Variants in DCDC1 observed in about 807,000 individuals in gnomAD.
DCDC1 encodes the protein doublecortin domain containing 1, also known as doublecortin domain-containing protein 1.
A neutral mutation model predicts 178.3 loss-of-function variants in DCDC1; 200 were observed. The observed-to-expected ratio is 1.12, with a 90% confidence interval of 1.00 to 1.26. The LOEUF is 1.26. Ranked by LOEUF, DCDC1 falls within the 50% of genes most tolerant of loss-of-function variation. The pLI, the probability that DCDC1 is intolerant of heterozygous loss-of-function variation, is 0.00. For missense variants in DCDC1, 1,983 were observed against 1,749.2 expected (o/e 1.13, Z -2.38); for synonymous variants, 690 against 604.8 (o/e 1.14, Z -2.07).
At chr11:31,091,554 A>G (rs1328224777) in intron 16 of DCDC1, 43 bp from the exon 17 acceptor site, 1 of 701,578 alleles carries the variant, frequency 1.4e-6, no homozygotes, top group South Asian at 1.5e-5. Context: ...AAATAAGTTA[A>G]AAGAACCAGA....
At chr11:31,168,981 C>T (rs116842530) in intron 9 of DCDC1, among the ~76,000 whole-genome samples, 255 of 152,202 alleles carry the variant, frequency 1.7e-3, no homozygotes, top group Non-Finnish European at 2.4e-3. Context: ...ATGGAACCAA[C>T]CTAAATTCCC....
chr11:30,864,734 C>T lies in DCDC1; in HGVS notation c.*639G>A, dbSNP rs1014931662. The stretch of plus-strand genomic sequence containing the variant: ...CATTTAGTTGGGGAGACAAAACATG[C>T]AGTCAGTGTATATGCTTTTTTTTTT... On this transcript the variant is annotated 3_prime_UTR_variant, in exon 39 of 39. Coordinates refer to ENST00000684477, the MANE Select transcript of DCDC1 (RefSeq NM_001387274.1). The T allele has an allele frequency of 4.2e-5, 6 of 143,530 alleles. No homozygotes were observed. Among genetic ancestry groups the T allele is most frequent in the African/African-American group, 1.5e-4 (6 of 40,030 alleles). The allele number at this position is 143,530 out of a possible 1,614,324, so 8.9% of individuals were successfully genotyped here. A position where few individuals can be genotyped will look rare whatever the true frequency, so the allele number is the denominator to read the frequency against.
intron 11 of DCDC1, among the ~76,000 whole-genome samples, chr11:31,125,762 C>A (rs1181810184): frequency 6.6e-6 from 1 of 152,004 alleles, no homozygotes; most frequent in Non-Finnish European, 1.5e-5. Flanking sequence ...TCAACACACA[C>A]TGGGGCCCAT....
chr11:31,192,335 A>T (rs1970223332), intron 9 of DCDC1, among the ~76,000 whole-genome samples: 1 of 152,112 alleles, frequency 6.6e-6, no homozygotes, highest in East Asian at 1.9e-4. Flanking sequence ...CCTTCGCATG[A>T]TACCAAGGAC....
At chr11:31,284,054 A>G (rs2137313936) in intron 7 of DCDC1, among the ~76,000 whole-genome samples, 1 of 151,946 alleles carries the variant, frequency 6.6e-6, no homozygotes. Context: ...ACTCACTTCA[A>G]CTTTTCCCCT....
At chr11:31,197,859 C>A (rs540817139) in intron 9 of DCDC1, among the ~76,000 whole-genome samples, 1 of 152,046 alleles carries the variant, frequency 6.6e-6, no homozygotes, top group African/African-American at 2.4e-5. Context: ...CAATAATGGC[C>A]CCAGCACTTA....
At chr11:30,986,522 G>A (rs868406126) in intron 20 of DCDC1, among the ~76,000 whole-genome samples, 6 of 151,842 alleles carry the variant, frequency 4.0e-5, no homozygotes, top group South Asian at 4.2e-4. Context: ...TAGTAGAGAC[G>A]GGGTTTCACC....
chr11:30,896,776 T>C (rs1034217913), intron 34 of DCDC1, among the ~76,000 whole-genome samples: 8 of 152,244 alleles, frequency 5.3e-5, no homozygotes, highest in Non-Finnish European at 1.2e-4. Context: ...AACCATGTAG[T>C]AAAGATTTGA....
At chr11:31,019,641 T>C (rs1356560900) in intron 20 of DCDC1, among the ~76,000 whole-genome samples, 1 of 152,166 alleles carries the variant, frequency 6.6e-6, no homozygotes, top group Non-Finnish European at 1.5e-5. Context: ...TTTTAAAAAT[T>C]AAAATTAGAT....
chr11:30,963,232 A>G (rs1415253215), intron 20 of DCDC1, among the ~76,000 whole-genome samples: 1 of 152,154 alleles, frequency 6.6e-6, no homozygotes, highest in Non-Finnish European at 1.5e-5. Context: ...ATCTTTTGAT[A>G]TTATATAACT....
At chr11:31,094,214 A>C (rs1375499200) in intron 15 of DCDC1, 30 bp from the exon 16 acceptor site, 2 of 765,038 alleles carry the variant, frequency 2.6e-6, no homozygotes, top group Non-Finnish European at 4.8e-6. Context: ...ATGCATTTTT[A>C]ACTCATAGTC....
chr11:30,971,499 G>A (rs1270582196), intron 20 of DCDC1, among the ~76,000 whole-genome samples: 1 of 150,280 alleles, frequency 6.7e-6, no homozygotes, highest in African/African-American at 2.4e-5. Flanking sequence ...ACAAATCCTA[G>A]GAATGAAATA....
intron 18 of DCDC1, among the ~76,000 whole-genome samples, chr11:31,066,366 A>G (rs1366524348): frequency 6.6e-6 from 1 of 152,184 alleles, no homozygotes; most frequent in East Asian, 1.9e-4. Flanking sequence ...AGGGAAGTTA[A>G]GCAACATGCT....
intron 22 of DCDC1, among the ~76,000 whole-genome samples, chr11:30,931,093 G>A (rs1233557185): frequency 6.6e-6 from 1 of 151,998 alleles, no homozygotes; most frequent in Non-Finnish European, 1.5e-5. Context: ...CTAATAATAT[G>A]AGAAACAATG....
chr11:31,071,493 G>A (rs536604300), intron 18 of DCDC1, among the ~76,000 whole-genome samples: 1 of 152,200 alleles, frequency 6.6e-6, no homozygotes, highest in South Asian at 2.1e-4. Context: ...CACTCTCTTT[G>A]ATGGTCCCCA....
intron 20 of DCDC1, among the ~76,000 whole-genome samples, chr11:30,967,301 C>T (rs1949490428): frequency 6.7e-6 from 1 of 149,816 alleles, no homozygotes; most frequent in South Asian, 2.1e-4. Context: ...TGTAGTTCTC[C>T]TTGAAGAGGT....
At chr11:31,322,434 C>T (rs565855633) in intron 3 of DCDC1, among the ~76,000 whole-genome samples, 97 of 152,296 alleles carry the variant, frequency 6.4e-4, no homozygotes, top group African/African-American at 2.3e-3. Context: ...ATCCTACGAT[C>T]AGCTCCAGTG....
chr11:31,219,097 A>G (rs1400609373), intron 9 of DCDC1, among the ~76,000 whole-genome samples: 2 of 152,134 alleles, frequency 1.3e-5, no homozygotes, highest in Non-Finnish European at 2.9e-5. Flanking sequence ...AGAAGCACAC[A>G]CACTCTCACA....
chr11:31,064,944 C>A (rs1956163607), intron 19 of DCDC1, 75 bp downstream of exon 19: 2 of 628,882 alleles, frequency 3.2e-6, no homozygotes, highest in South Asian at 4.0e-5. Context: ...CTGAAAACAA[C>A]TTGAACATTT....
Sources: gnomAD v4.1 joint callset for allele counts (sites outside exome capture counted in the v4.1 genomes callset) on GRCh38, gnomAD v4.1.1 for gene constraint, MANE v1.5 for transcripts, NCBI Gene and HGNC (gene_info 2026-07-23, HGNC 2026-07-21) for gene names.